ZNF529: variants seen among roughly 807,000 people sequenced by gnomAD.
ZNF529 encodes the protein zinc finger protein 529.
Under a neutral mutation model 10.1 loss-of-function variants are expected in ZNF529, and 11 were observed. The ratio of observed to expected loss-of-function variants is 1.09; its 90% confidence interval spans 0.69 to 1.81. ZNF529 has a LOEUF of 1.81. Among genes scored for constraint, ZNF529 ranks in the 40% most tolerant of loss-of-function variants. ZNF529 has a pLI of 0.00. For missense variants in ZNF529, 624 were observed against 666.8 expected (o/e 0.94, Z 0.71); for synonymous variants, 204 against 215.7 (o/e 0.95, Z 0.47).
At chr19:36,581,407 TAAATA>T (rs1304368115) in intron 2 of ZNF529, 2 of 152,104 alleles carry the variant, frequency 1.3e-5, no homozygotes, top group Non-Finnish European at 2.9e-5. Context: ...GTTAAGTACT[TAAATA>T]AAAAAAGGAG....
chr19:36,602,337 C>T (rs1179181676), intron 1 of ZNF529, among the ~76,000 whole-genome samples: 3 of 152,256 alleles, frequency 2.0e-5, no homozygotes, highest in South Asian at 2.1e-4. Context: ...TGAGCCACCG[C>T]GCCTGGCCAC....
At chr19:36,599,865 CTT>C (rs888031537) in intron 1 of ZNF529, among the ~76,000 whole-genome samples, 3 of 144,768 alleles carry the variant, frequency 2.1e-5, no homozygotes, top group African/African-American at 7.6e-5. Context: ...CTTGCACATT[CTT>C]TTTTTTTTTT....
At chr19:36,586,361 C>T (rs951380892) in intron 2 of ZNF529, among the ~76,000 whole-genome samples, 1 of 151,996 alleles carries the variant, frequency 6.6e-6, no homozygotes, top group African/African-American at 2.4e-5. Context: ...AATCCCAGCA[C>T]TTTGGGAGGC....
At chr19:36,552,132 A>G (rs144323611) in intron 4 of ZNF529, among the ~76,000 whole-genome samples, 41 of 152,248 alleles carry the variant, frequency 2.7e-4, no homozygotes, top group African/African-American at 9.4e-4. Context: ...TAAAACAAAC[A>G]AACAAAACAC....
In ZNF529 at chr19:36,589,348, A is replaced by G. The variant is rs535573430; in HGVS notation, c.-41+267T>C. ...GATCTGATGCTATTTCCAGGCAGAT[A>G]GTGTCAGAATTAAATTGGAGGATAC... On this transcript the variant is annotated intron_variant, in intron 2 of 4. Transcript: ENST00000585960. Among the ~76,000 whole-genome samples, 17 of 152,264 alleles carry G rather than the reference A, an allele frequency of 1.1e-4. No individual in the cohort carries two copies. In the South Asian group the frequency reaches 1.5e-3, roughly 13 times the overall value.
intron 2 of ZNF529, among the ~76,000 whole-genome samples, chr19:36,569,685 T>G (rs1006748930): frequency 3.9e-5 from 6 of 152,106 alleles, no homozygotes; most frequent in Non-Finnish European, 8.8e-5. Flanking sequence ...GAGAATTGCT[T>G]GAGCCTGGGA....
Position 36,546,987 on chromosome 19 carries a change from T to C in ZNF529, c.1571A>G (p.His524Arg). ...TTTATCATCAGTATGAATGCGCTGA[T>C]GTTTGGTAAAGGATGAACTATGTCT... ...AFRHSSSFTK[H>R]QRIHTDDKPY... The change falls in exon 5 of 5, where the codon CAT (histidine) becomes CGT (arginine). Residue 524 changes from histidine (H) to arginine (R), a missense_variant. By Grantham distance (29) the His-to-Arg change is conservative. Coordinates refer to ENST00000591340, the MANE Select transcript of ZNF529 (RefSeq NM_020951.5). 1 of 1,614,048 alleles carries C rather than the reference T, an allele frequency of 6.2e-7. No individual in the cohort carries two copies. Among genetic ancestry groups the C allele is most frequent in the Non-Finnish European group, 8.5e-7 (1 of 1,179,938 alleles).
At chr19:36,574,637 G>A (rs1021200316), upstream of ZNF529, among the ~76,000 whole-genome samples, 17 of 152,170 alleles carry the variant, frequency 1.1e-4, no homozygotes, top group African/African-American at 3.9e-4. Flanking sequence ...GACAGCCATA[G>A]TTCTGATTTG....
chr19:36,573,434 T>C (rs1254776955), upstream of ZNF529: 1 of 470,348 alleles, frequency 2.1e-6, no homozygotes, highest in Admixed American at 2.3e-5. Flanking sequence ...GACCCTGGAG[T>C]TTCCGGGTGC....
intron 2 of ZNF529, among the ~76,000 whole-genome samples, chr19:36,566,828 C>A (rs1050425005): frequency 6.6e-6 from 1 of 151,842 alleles, no homozygotes. Flanking sequence ...CAGACCAGCC[C>A]GGCCAATATG....
At position 36,547,243 on chromosome 19, in the gene ZNF529, G is replaced by A. The variant is rs1568570257; in HGVS notation, c.1315C>T (p.Arg439Ter). Residue 439 changes from arginine to a stop codon, truncating the protein, a stop_gained, in exon 5 of 5, where the codon CGA becomes TGA. Transcript: ENST00000591340. LOFTEE classifies it low-confidence loss of function (END_TRUNC). ...KAFGVGSELT[R>*]HERIHSGQKP... ...TGACCACTGTGAATTCTTTCATGTC[G>A]AGTAAGTTCACTACCTACTCCAAAT... The A allele has an allele frequency of 1.5e-5, 24 of 1,613,466 alleles. No homozygotes were observed. The highest frequency in any genetic ancestry group is 3.3e-5 in the Admixed American group (2 of 59,968).
intron 2 of ZNF529, chr19:36,580,349 CTT>C (rs1371467862): frequency 2.0e-5 from 3 of 151,606 alleles, no homozygotes; most frequent in African/African-American, 7.3e-5. Context: ...AATGTAATCA[CTT>C]ATTATTATCA....
chr19:36,572,718 TTATCTATC>T (rs559158988), intron 1 of ZNF529, among the ~76,000 whole-genome samples: 40 of 151,148 alleles, frequency 2.6e-4, no homozygotes, highest in Admixed American at 7.9e-4. Flanking sequence ...TTTATCTATC[TTATCTATC>T]TATCTATCTA....
At chr19:36,569,551 G>T (rs2036020524) in intron 2 of ZNF529, among the ~76,000 whole-genome samples, 1 of 151,958 alleles carries the variant, frequency 6.6e-6, no homozygotes, top group East Asian at 1.9e-4. Flanking sequence ...AACAACACGA[G>T]GCCAGGATTT....
In ZNF529 at chr19:36,586,606, G is replaced by A. The variant is rs565217028; in HGVS notation, c.-41+3009C>T. ...GGCAACAGAGCGAAAGCGAGACTCC[G>A]TCTCAAAAAAAGAAAAAAAAAAAGC... On this transcript the variant is annotated intron_variant, in intron 2 of 4. Transcript: ENST00000585960. Among the ~76,000 whole-genome samples, 7 of 150,668 alleles carry A rather than the reference G, an allele frequency of 4.6e-5. No homozygotes were observed. In the South Asian group the frequency reaches 6.3e-4, roughly 14 times the overall value.
chr19:36,588,209 T>G (rs1465204080), intron 2 of ZNF529, among the ~76,000 whole-genome samples: 1 of 152,186 alleles, frequency 6.6e-6, no homozygotes, highest in Non-Finnish European at 1.5e-5. Flanking sequence ...TCCATTGAAT[T>G]GTACACTTTA....
rs74174421 is a variant in ZNF529 at position 36,601,179 on chromosome 19, ATT to A, written c.-128+3945_-128+3946del. On this transcript the variant is annotated intron_variant, in intron 1 of 4. Transcript: ENST00000585960. ...TCCTATTTCCTTAATTACAAGTGTAATTTTTTTTTTTTTTTTTGAGACGGAGT... is the reference window on the plus strand; with the variant it reads ...TCCTATTTCCTTAATTACAAGTGTAATTTTTTTTTTTTTTTGAGACGGAGT... 5.5e-3 allele frequency among the ~76,000 whole-genome samples: 782 copies of A among 141,548 alleles called. 21 individuals are homozygous for A. Among genetic ancestry groups the A allele is most frequent in the Admixed American group, 0.04 (564 of 14,272 alleles). The allele number at this position is 141,548 out of a possible 152,430, so 92.9% of individuals were successfully genotyped here.
intron 2 of ZNF529, among the ~76,000 whole-genome samples, chr19:36,587,905 A>G (rs1224580348): frequency 6.6e-6 from 1 of 152,174 alleles, no homozygotes; most frequent in African/African-American, 2.4e-5. Flanking sequence ...TCGGAGATAC[A>G]TACGATCTAA....
At chr19:36,548,519 G>C (rs918970960) in intron 4 of ZNF529, among the ~76,000 whole-genome samples, 197 bp from the exon 5 acceptor site, 1 of 152,188 alleles carries the variant, frequency 6.6e-6, no homozygotes, top group South Asian at 2.1e-4. Flanking sequence ...TAAGTCAGTG[G>C]ATCTGAAATT....
Sources: gnomAD v4.1 joint callset for allele counts (sites outside exome capture counted in the v4.1 genomes callset) on GRCh38, gnomAD v4.1.1 for gene constraint, MANE v1.5 for transcripts, NCBI Gene and HGNC (gene_info 2026-07-23, HGNC 2026-07-21) for gene names.